The following CSPP1 variants were observed in gnomAD, a reference collection of about 807,000 sequenced individuals.
The protein encoded by CSPP1 is centrosome and spindle pole-associated protein 1.
CSPP1 carries 126 observed loss-of-function variants against 164.4 expected under a neutral mutation model. That is an observed-to-expected ratio of 0.77 (90% CI 0.66 to 0.89). CSPP1 has a LOEUF of 0.89. Among genes scored for constraint, CSPP1 ranks in the 40% least tolerant of loss-of-function variants. The pLI, the probability that CSPP1 is intolerant of heterozygous loss-of-function variation, is 0.00. For missense variants in CSPP1, 1,395 were observed against 1,449.8 expected (o/e 0.96, Z 0.61); for synonymous variants, 472 against 476.7 (o/e 0.99, Z 0.13).
At chr8:67,163,970 G>A (rs1204482336) in intron 23 of CSPP1, among the ~76,000 whole-genome samples, 172 bp downstream of exon 23, 1 of 152,164 alleles carries the variant, frequency 6.6e-6, no homozygotes, top group Non-Finnish European at 1.5e-5. Context: ...TAGTCTCATA[G>A]CCAGGAAGTG....
rs1276654830 is a variant in CSPP1, at chr8:67,091,837, C to T, written c.338C>T (p.Ser113Phe). 5.9e-6 allele frequency: 8 copies of T among 1,349,514 alleles called. No homozygotes were observed. The highest frequency in any genetic ancestry group is 5.9e-5 in the South Asian group (5 of 85,242). 83.6% of individuals were successfully genotyped at this position (1,349,514 alleles called of 1,614,324 possible). The change falls in exon 5 of 31, where the codon TCT becomes TTT. Residue 113 changes from serine to phenylalanine, a missense_variant. By Grantham distance (155) the Ser-to-Phe change is radical (BLOSUM62 -2). Transcript: ENST00000678616. ...CTATCTACGAGTGAAACAGATCCAT[C>T]TACTTTGGGAGTTTCTCTTCCTATT... ...NFLSTSETDP[S>F]TLGVSLPIGE...
intron 26 of CSPP1, among the ~76,000 whole-genome samples, chr8:67,176,900 G>A (rs1375096335): frequency 5.9e-5 from 9 of 151,770 alleles, no homozygotes; most frequent in African/African-American, 1.9e-4. Flanking sequence ...TGAAACCCCC[G>A]TCTCTACTAA....
intron 18 of CSPP1, among the ~76,000 whole-genome samples, chr8:67,151,894 C>G (rs552676266): frequency 4.6e-5 from 7 of 151,732 alleles, no homozygotes; most frequent in African/African-American, 1.7e-4. Flanking sequence ...TCGAGACCAT[C>G]CTGGCCTACA....
chr8:67,142,358 TAGTC>T (rs1361385761), intron 17 of CSPP1, among the ~76,000 whole-genome samples: 1 of 152,234 alleles, frequency 6.6e-6, no homozygotes, highest in Middle Eastern at 3.2e-3. Flanking sequence ...GATGATTAGT[TAGTC>T]AGTTCTCTTA....
chr8:67,190,105 T>C (rs190918577), intron 28 of CSPP1, among the ~76,000 whole-genome samples: 124 of 152,286 alleles, frequency 8.1e-4, no homozygotes, highest in Non-Finnish European at 2.8e-4. Flanking sequence ...TGAGAAGATA[T>C]GTCCACACAC....
At chr8:67,180,076 A>G (rs1832656962) in intron 28 of CSPP1, 150 bp downstream of exon 28, 1 of 511,990 alleles carries the variant, frequency 2.0e-6, no homozygotes. Flanking sequence ...TATGCCTTGG[A>G]AAGTTTTCAA....
At chr8:67,078,973 A>AT (rs1808557154) in intron 3 of CSPP1, among the ~76,000 whole-genome samples, 1 of 152,090 alleles carries the variant, frequency 6.6e-6, no homozygotes, top group Non-Finnish European at 1.5e-5. Flanking sequence ...CTCCATCTCA[A>AT]TAAAAAAAAA....
intron 16 of CSPP1, among the ~76,000 whole-genome samples, chr8:67,136,192 C>G (rs1282340431): frequency 6.6e-6 from 1 of 152,042 alleles, no homozygotes; most frequent in Non-Finnish European, 1.5e-5. Context: ...GACACAGAGA[C>G]ATGAAATTAG....
At chr8:67,167,061 C>G (rs1475747658) in intron 24 of CSPP1, among the ~76,000 whole-genome samples, 2 of 150,754 alleles carry the variant, frequency 1.3e-5, no homozygotes, top group African/African-American at 2.4e-5. Flanking sequence ...AGATCAACAG[C>G]ATCCCAAGGC....
At chr8:67,110,093 A>G (rs1037725780) in intron 9 of CSPP1, among the ~76,000 whole-genome samples, 1 of 151,486 alleles carries the variant, frequency 6.6e-6, no homozygotes, top group African/African-American at 2.4e-5. Context: ...TTTTCCTGGG[A>G]GTTCACTAAT....
chr8:67,181,931 C>T (rs1056857969), intron 28 of CSPP1, among the ~76,000 whole-genome samples: 10 of 152,166 alleles, frequency 6.6e-5, no homozygotes, highest in Admixed American at 5.9e-4. Flanking sequence ...AGTATCTATC[C>T]TTTGATGACT....
chr8:67,088,761 G>A (rs959681639), intron 4 of CSPP1, among the ~76,000 whole-genome samples: 1 of 151,576 alleles, frequency 6.6e-6, no homozygotes, highest in African/African-American at 2.4e-5. Flanking sequence ...GCCTGGCGTG[G>A]TGGCAGGCGC....
chr8:67,131,059 T>G (rs1437032706), intron 15 of CSPP1, among the ~76,000 whole-genome samples: 1 of 152,158 alleles, frequency 6.6e-6, no homozygotes, highest in East Asian at 1.9e-4. Context: ...ATTTCTAAAA[T>G]GTTTTACTGT....
intron 9 of CSPP1, among the ~76,000 whole-genome samples, chr8:67,111,768 A>G (rs1816889175): frequency 6.6e-6 from 1 of 152,210 alleles, no homozygotes; most frequent in Admixed American, 6.5e-5. Context: ...TGATTACTGT[A>G]TCTTGTGTTT....
chr8:67,193,393 G>C, intron 29 of CSPP1, 71 bp from the exon 30 acceptor site: 1 of 1,391,040 alleles, frequency 7.2e-7, no homozygotes, highest in South Asian at 1.2e-5. Context: ...CACCATGCCT[G>C]GCCCTGATTC....
chr8:67,190,597 G>C, intron 28 of CSPP1, 53 bp from the exon 29 acceptor site: 1 of 1,341,396 alleles, frequency 7.5e-7, no homozygotes, highest in South Asian at 1.2e-5. Context: ...TTTAGCTCTG[G>C]GTAAGATTTG....
At chr8:67,086,174 A>G (rs769820817) in intron 4 of CSPP1, 64 bp downstream of exon 4, 33 of 831,122 alleles carry the variant, frequency 4.0e-5, no homozygotes, top group East Asian at 3.9e-4. Context: ...ATTTGTTTTC[A>G]TAAGGTATTA....
intron 3 of CSPP1, 64 bp from the exon 4 acceptor site, chr8:67,085,943 C>A: frequency 1.3e-6 from 1 of 770,270 alleles, no homozygotes; most frequent in South Asian, 1.4e-5. Context: ...TGCTTTGTTA[C>A]AGGAAGTAGA....
intron 26 of CSPP1, among the ~76,000 whole-genome samples, chr8:67,176,772 T>C (rs561641217): frequency 6.6e-6 from 1 of 152,140 alleles, no homozygotes; most frequent in South Asian, 2.1e-4. Flanking sequence ...ACCTAATTCA[T>C]AGGAATATGA....
Sources: gnomAD v4.1 joint callset for allele counts (sites outside exome capture counted in the v4.1 genomes callset) on GRCh38, gnomAD v4.1.1 for gene constraint, MANE v1.5 for transcripts, NCBI Gene and HGNC (gene_info 2026-07-23, HGNC 2026-07-21) for gene names.